The following FHL2 variants were observed in gnomAD, a reference collection of about 807,000 sequenced individuals.
The protein encoded by FHL2 is four and a half LIM domains protein 2.
In FHL2, 20 loss-of-function variants were observed where a neutral mutation model predicts 32.7. The ratio of observed to expected loss-of-function variants is 0.61; its 90% CI spans 0.43 to 0.89. FHL2 has a LOEUF of 0.89. FHL2 is among the 40% of genes least tolerant of loss of function. The probability of loss-of-function intolerance (pLI) is 0.00; values close to 1 mark genes in which losing one functional copy is unlikely to be tolerated. For synonymous variants in FHL2, 123 were observed against 128.1 expected (o/e 0.96, Z 0.27); for missense variants, 311 against 358.6 (o/e 0.87, Z 1.07).
chr2:105,376,474 CA>C (rs1196614366), intron 3 of FHL2: 1 of 152,210 alleles, frequency 6.6e-6, no homozygotes, highest in Non-Finnish European at 1.5e-5. Flanking sequence ...TTGAACAAAT[CA>C]TTAGAAGCCC....
chr2:105,396,773 G>A, intron 1 of FHL2, 76 bp from the exon 2 acceptor site: 2 of 1,236,620 alleles, frequency 1.6e-6, no homozygotes, highest in African/African-American at 1.5e-5. Context: ...ACTTGAGATG[G>A]ACACTTAATA....
intron 1 of FHL2, 158 bp from the exon 2 acceptor site, chr2:105,396,855 C>A: frequency 1.5e-6 from 1 of 655,300 alleles, no homozygotes; most frequent in Non-Finnish European, 2.6e-6. Flanking sequence ...TCCATTCACC[C>A]AAGCTCAAGG....
At chr2:105,384,622 C>T (rs1682158371) in intron 3 of FHL2, among the ~76,000 whole-genome samples, 1 of 152,186 alleles carries the variant, frequency 6.6e-6, no homozygotes, top group African/African-American at 2.4e-5. Flanking sequence ...ATTCTCGTGC[C>T]TCAGCCTCTC....
chr2:105,389,935 C>T (rs1343389826), intron 2 of FHL2: 2 of 152,008 alleles, frequency 1.3e-5, no homozygotes, highest in Non-Finnish European at 2.9e-5. Flanking sequence ...AAAACAAAAA[C>T]AAAAAAAATC....
At chr2:105,411,240 A>G (rs1683779088) in intron 1 of FHL2, among the ~76,000 whole-genome samples, 1 of 152,228 alleles carries the variant, frequency 6.6e-6, no homozygotes, top group Non-Finnish European at 1.5e-5. Flanking sequence ...CTGTAGATGC[A>G]TTAAAGGTTA....
At chr2:105,376,806 T>C (rs1376519655) in intron 3 of FHL2, 2 of 152,262 alleles carry the variant, frequency 1.3e-5, no homozygotes, top group Non-Finnish European at 1.5e-5. Flanking sequence ...ATGTGGTCTG[T>C]GCATACAATG....
rs397517961 is a variant in FHL2 at position 105,361,399 on chromosome 2, G to A, written c.724C>T (p.Arg242Trp). 22 of 1,613,948 alleles carry A rather than the reference G, an allele frequency of 1.4e-5. No individual in the cohort carries two copies. Among genetic ancestry groups the A allele is most frequent in the African/African-American group, 2.7e-5 (2 of 74,934 alleles). Residue 242 changes from arginine to tryptophan, a missense_variant, in exon 7 of 7, where the codon CGG (arginine) becomes TGG (tryptophan). Arg to Trp is a moderately radical substitution (Grantham distance 101). Transcript: ENST00000530340. ...GGTKYISFEE[R>W]QWHNDCFNCK... ...TTAAAGCAGTCGTTATGCCACTGCC[G>A]TTCCTCAAAGGAGATGTATTTTGTG...
intron 1 of FHL2, among the ~76,000 whole-genome samples, chr2:105,409,004 T>A (rs1382638703): frequency 1.3e-5 from 2 of 151,938 alleles, no homozygotes. Flanking sequence ...GTCCTCTCTG[T>A]GGGTGCAAGA....
chr2:105,382,701 T>C (rs899535602), intron 3 of FHL2, among the ~76,000 whole-genome samples: 3 of 152,148 alleles, frequency 2.0e-5, no homozygotes, highest in African/African-American at 7.2e-5. Context: ...TTATTTTTTT[T>C]TTCTCTTTGT....
chr2:105,432,333 C>T (rs542091766), intron 1 of FHL2, among the ~76,000 whole-genome samples: 2 of 152,160 alleles, frequency 1.3e-5, no homozygotes, highest in Admixed American at 1.3e-4. Flanking sequence ...ATGTCTTACA[C>T]TCGCTATTAT....
At chr2:105,374,042 C>G in intron 3 of FHL2, 1 of 390,998 alleles carries the variant, frequency 2.6e-6, no homozygotes, top group South Asian at 2.6e-5. Flanking sequence ...GAAAGAGAAA[C>G]AGAAAACATG....
intron 1 of FHL2, among the ~76,000 whole-genome samples, chr2:105,397,705 G>T (rs1683234807): frequency 6.6e-6 from 1 of 152,184 alleles, no homozygotes; most frequent in African/African-American, 2.4e-5. Flanking sequence ...ACACAATTCT[G>T]TGTATTAACT....
At chr2:105,370,502 C>G (rs1680977795) in intron 4 of FHL2, among the ~76,000 whole-genome samples, 1 of 152,126 alleles carries the variant, frequency 6.6e-6, no homozygotes, top group Non-Finnish European at 1.5e-5. Context: ...GGCGCGAGAG[C>G]CGGTAAACCC....
chr2:105,398,451 G>C (rs1340996450), intron 1 of FHL2, among the ~76,000 whole-genome samples: 3 of 152,220 alleles, frequency 2.0e-5, no homozygotes, highest in South Asian at 4.1e-4. Context: ...CACCGTGCCA[G>C]GACAGCCCGC....
rs879057897 is a variant in FHL2, at chr2:105,367,614, A to G, written c.457T>C (p.Cys153Arg). 6.2e-7 allele frequency: 1 copy of G among 1,614,152 alleles called. No homozygotes were observed. Among genetic ancestry groups the G allele is most frequent in the South Asian group, 1.1e-5 (1 of 91,074 alleles). Residue 153 changes from cysteine to arginine, a missense_variant, in exon 5 of 7, where the codon TGC becomes CGC. Transcript: ENST00000530340. ...TGCATGGCATGTTGTTTCTCATAGCAGGGCACACAGAAATTCTGATTGTCT... is the reference window on the plus strand; with the variant it reads ...TGCATGGCATGTTGTTTCTCATAGCGGGGCACACAGAAATTCTGATTGTCT... ...PKDNQNFCVP[C>R]YEKQHAMQCV...
At position 105,361,303 on chromosome 2, in the gene FHL2, CG is replaced by C; in HGVS notation, c.819del (p.Asp274ThrfsTer41). On this transcript the variant is annotated frameshift_variant, in exon 7 of 7. Coordinates refer to ENST00000530340, the MANE Select transcript of FHL2 (RefSeq NM_001318895.3). LOFTEE classifies it high-confidence loss of function. ...FLTERDDILCPDCGKDI is the reference protein window; with the variant it reads ...FLTERDDILCXDCGKDI ...TGAATTCAGATGTCTTTCCCACAGT[CG>C]GGGCACAGGATGTCGTCCCTCTCTG... 1 of 1,613,538 alleles carries C rather than the reference CG, an allele frequency of 6.2e-7. No homozygotes were observed. The highest frequency in any genetic ancestry group is 8.5e-7 in the Non-Finnish European group (1 of 1,179,764).
intron 1 of FHL2, among the ~76,000 whole-genome samples, chr2:105,434,574 A>C (rs1684531249): frequency 6.6e-6 from 1 of 152,108 alleles, no homozygotes; most frequent in African/African-American, 2.4e-5. Context: ...TCTCAAAAAA[A>C]AAACAAAACA....
Position 105,386,349 on chromosome 2 carries a change from C to G in FHL2, c.156+12G>C. 6.2e-7 allele frequency: 1 copy of G among 1,612,436 alleles called. No homozygotes were observed. The highest frequency in any genetic ancestry group is 8.5e-7 in the Non-Finnish European group (1 of 1,179,380). ...GGAGCGCCGGGGACCCGCAGAGGCC[C>G]GCAGCAGGTACCTTGCAGTCACAGC... On this transcript the variant is annotated intron_variant, in intron 3 of 6. Transcript: ENST00000530340.
intron 1 of FHL2, among the ~76,000 whole-genome samples, chr2:105,429,200 A>G (rs959425793): frequency 6.6e-6 from 1 of 152,222 alleles, no homozygotes; most frequent in African/African-American, 2.4e-5. Context: ...TTGCCCCACA[A>G]TATGATGGTC....
Sources: allele counts gnomAD v4.1 joint callset (sites outside exome capture counted in the v4.1 genomes callset), GRCh38; gene constraint gnomAD v4.1.1; transcripts MANE v1.5; gene names NCBI Gene and HGNC (gene_info 2026-07-23, HGNC 2026-07-21).